TMEM218: variants seen among roughly 807,000 people sequenced by gnomAD.
The protein encoded by TMEM218 is transmembrane protein 218.
In TMEM218, 8 loss-of-function variants were observed where a neutral mutation model predicts 10.0. That is an observed-to-expected ratio of 0.80 (90% CI 0.47 to 1.44). TMEM218 has a LOEUF of 1.44. TMEM218 is among the 40% of genes most tolerant of loss of function. TMEM218 has a pLI of 0.00. For synonymous variants in TMEM218, 66 were observed against 63.5 expected (o/e 1.04, Z -0.18); for missense variants, 110 against 140.1 (o/e 0.79, Z 1.08).
rs941847578 is a variant in TMEM218 at position 125,095,969 on chromosome 11, C to T, written c.*1637G>A. ...AGCTTCCACTTGGGCTGCAGGGAGA[C>T]TCACAATAGCATGAGGCCCCCAGCT... On this transcript the variant is annotated 3_prime_UTR_variant, in exon 5 of 5. Transcript: ENST00000682305. Among the ~76,000 whole-genome samples, 2 of 152,166 alleles carry T rather than the reference C, an allele frequency of 1.3e-5. No individual in the cohort carries two copies.
At chr11:125,099,707 T>G (rs1950341827) in intron 4 of TMEM218, among the ~76,000 whole-genome samples, 2 of 152,122 alleles carry the variant, frequency 1.3e-5, no homozygotes, top group Non-Finnish European at 2.9e-5. Flanking sequence ...GTGGATCACC[T>G]GAGGTCAGCA....
Position 125,111,146 on chromosome 11 carries a change from C to T in TMEM218, c.-153+393G>A, listed in dbSNP as rs112905755. Reference sequence around the variant, plus strand: ...CGGTCTATCCGCTCTCTGGATCTCACAGCACTGCAGCCTGGGAACACCCCA... The same window carrying T: ...CGGTCTATCCGCTCTCTGGATCTCATAGCACTGCAGCCTGGGAACACCCCA... On this transcript the variant is annotated intron_variant, in intron 1 of 4. Coordinates refer to ENST00000682305, the MANE Select transcript of TMEM218 (RefSeq NM_001258244.2). Among the ~76,000 whole-genome samples the T allele has an allele frequency of 5.4e-3, 822 of 152,302 alleles. 9 individuals carry two copies. Among genetic ancestry groups the T allele is most frequent in the African/African-American group, 0.019 (773 of 41,560 alleles).
rs766684799 is a variant in TMEM218 at position 125,102,139 on chromosome 11, C to T, written c.103G>A (p.Ala35Thr). 2 of 1,563,582 alleles carry T rather than the reference C, an allele frequency of 1.3e-6. No homozygotes were observed. Among genetic ancestry groups the T allele is most frequent in the Middle Eastern group, 2.0e-4 (1 of 5,014 alleles). Reference protein sequence around the residue: ...LCVLLSRASGAARFSVIFLFF... With the variant: ...LCVLLSRASGTARFSVIFLFF... ...TTGGACAGAATGCCTTACCTCGCCG[C>T]CCCGGAGGCTCTGGACAGCAGCACA... The change falls in exon 3 of 5, where the codon GCG (alanine) becomes ACG (threonine). Residue 35 changes from alanine to threonine, a missense_variant. Coordinates refer to ENST00000682305, the MANE Select transcript of TMEM218 (RefSeq NM_001258244.2).
chr11:125,099,903 G>A (rs772453804), intron 4 of TMEM218, among the ~76,000 whole-genome samples: 9 of 126,326 alleles, frequency 7.1e-5, no homozygotes, highest in Non-Finnish European at 1.1e-4. Flanking sequence ...CAGCCTGGCC[G>A]ACAGAGCGAG....
intron 1 of TMEM218, among the ~76,000 whole-genome samples, chr11:125,109,629 A>G (rs936607097): frequency 1.3e-5 from 2 of 152,216 alleles, no homozygotes; most frequent in Admixed American, 6.5e-5. Context: ...TTGGGTGACC[A>G]GTTAGGAAAC....
At position 125,107,450 on chromosome 11, in the gene TMEM218, T is replaced by C. The variant is rs563848890; in HGVS notation, c.-153+4089A>G. Among the ~76,000 whole-genome samples the C allele has an allele frequency of 2.6e-5, 4 of 152,230 alleles. No individual in the cohort carries two copies. The South Asian group carries it at 8.3e-4, about 32-fold the overall frequency. On this transcript the variant is annotated intron_variant, in intron 1 of 4. Coordinates refer to ENST00000682305, the MANE Select transcript of TMEM218 (RefSeq NM_001258244.2). ...AGCATTGCAAAAACCTTTTATGAAA[T>C]GATTGGGGAAATCTGAAGAATATTC...
At chr11:125,098,057 C>T (rs1032871539) in intron 4 of TMEM218, among the ~76,000 whole-genome samples, 2 of 152,184 alleles carry the variant, frequency 1.3e-5, no homozygotes, top group African/African-American at 2.4e-5. Context: ...GAAGCTTTTG[C>T]ATGGTCCTAG....
At position 125,102,732 on chromosome 11, in the gene TMEM218, A is replaced by T. The variant is rs1329875785; in HGVS notation, c.-77+2T>A. 1 of 1,286,268 alleles carries T rather than the reference A, an allele frequency of 7.8e-7. No individual in the cohort carries two copies. Among genetic ancestry groups the T allele is most frequent in the Non-Finnish European group, 1.0e-6 (1 of 987,100 alleles). 79.7% of individuals were successfully genotyped at this position (1,286,268 alleles called of 1,614,324 possible). A position where few individuals can be genotyped will look rare whatever the true frequency, so the allele number is the denominator to read the frequency against. The stretch of plus-strand genomic sequence containing the variant: ...AAATCCATGGTGTGAGCTGTGACTC[A>T]CCAGGCAATGGATCACAAGACAGAA... On this transcript the variant is annotated splice_donor_variant, in intron 2 of 4. Transcript: ENST00000682305. LOFTEE classifies it low-confidence loss of function (5UTR_SPLICE).
rs1043114037 is a variant in TMEM218 at position 125,094,689 on chromosome 11, A to C, written c.*2917T>G. 1.3e-5 allele frequency among the ~76,000 whole-genome samples: 2 copies of C among 152,232 alleles called. No homozygotes were observed. Among genetic ancestry groups the C allele is most frequent in the African/African-American group, 2.4e-5 (1 of 41,460 alleles). ...ATTGAGCAAAAAATAAACCAGAAAC[A>C]CTTCAACTGCAACAACCATGAAATA... On this transcript the variant is annotated 3_prime_UTR_variant, in exon 5 of 5. Coordinates refer to ENST00000682305, the MANE Select transcript of TMEM218 (RefSeq NM_001258244.2).
intron 1 of TMEM218, among the ~76,000 whole-genome samples, chr11:125,109,215 A>G (rs1332309090): frequency 6.6e-6 from 1 of 151,862 alleles, no homozygotes; most frequent in Non-Finnish European, 1.5e-5. Context: ...GACAAAAACA[A>G]GTTGCAAAAT....
At chr11:125,104,924 C>G (rs1951760832) in intron 1 of TMEM218, 1 of 152,198 alleles carries the variant, frequency 6.6e-6, no homozygotes, top group South Asian at 2.1e-4. Context: ...AAATGTAACT[C>G]AAGGCCTGAG....
rs1309530258 is a variant in TMEM218 at position 125,108,556 on chromosome 11, T to C, written c.-153+2983A>G. ...GAATGCAAAAGCTTCAAATGCAGAC[T>C]ATGCAGGTGTGTTGTTCTGGCAACT... is the stretch of plus-strand genomic sequence containing the variant. On this transcript the variant is annotated intron_variant, in intron 1 of 4. Transcript: ENST00000682305. The surrounding 1 kb of genome is among the most constrained non-coding windows in gnomAD (Gnocchi z 5.3). Among the ~76,000 whole-genome samples the C allele has an allele frequency of 6.6e-6, 1 of 152,202 alleles. No homozygotes were observed. Among genetic ancestry groups the C allele is most frequent in the African/African-American group, 2.4e-5 (1 of 41,462 alleles).
At chr11:125,106,881 A>G (rs959919486) in intron 1 of TMEM218, among the ~76,000 whole-genome samples, 2 of 152,234 alleles carry the variant, frequency 1.3e-5, no homozygotes, top group African/African-American at 4.8e-5. Flanking sequence ...AAGACATTGC[A>G]GCCCTACCTG....
intron 3 of TMEM218, chr11:125,101,537 T>C: frequency 6.7e-7 from 1 of 1,483,282 alleles, no homozygotes; most frequent in Non-Finnish European, 8.9e-7. Context: ...AATGGAAATG[T>C]GTAGTTTTTA....
chr11:125,109,167 T>C (rs1029760351), intron 1 of TMEM218, among the ~76,000 whole-genome samples: 3 of 128,458 alleles, frequency 2.3e-5, no homozygotes, highest in Admixed American at 2.3e-4. Flanking sequence ...TTGATCTATA[T>C]GTATTGATGT....
At chr11:125,110,851 G>GGGC (rs1491574738) in intron 1 of TMEM218, 2 of 35,962 alleles carry the variant, frequency 5.6e-5, no homozygotes, top group South Asian at 1.0e-3. Flanking sequence ...CAAAAATAAC[G>GGGC]GGGGGGGGGG....
At chr11:125,097,846 C>T in intron 4 of TMEM218, 106 bp from the exon 5 acceptor site, 1 of 1,065,968 alleles carries the variant, frequency 9.4e-7, no homozygotes, top group Non-Finnish European at 1.4e-6. Context: ...ATGTGTATAA[C>T]TTCCAGTAAC....
intron 4 of TMEM218, among the ~76,000 whole-genome samples, chr11:125,100,610 G>A (rs1426798855): frequency 6.6e-6 from 1 of 152,212 alleles, no homozygotes; most frequent in Non-Finnish European, 1.5e-5. Context: ...TAAAGCCATG[G>A]TAAAGAACTC....
chr11:125,107,126 A>G (rs539144809), intron 1 of TMEM218, among the ~76,000 whole-genome samples: 110 of 152,344 alleles, frequency 7.2e-4, no homozygotes, highest in East Asian at 1.9e-3. Context: ...GTCCATTTAT[A>G]TAATGTTCAA....
Sources: gnomAD v4.1 joint callset for allele counts (sites outside exome capture counted in the v4.1 genomes callset) on GRCh38, gnomAD v4.1.1 for gene constraint, Gnocchi (gnomAD v3.1) non-coding constraint, MANE v1.5 for transcripts, NCBI Gene and HGNC (gene_info 2026-07-23, HGNC 2026-07-21) for gene names.